The following XPNPEP3 variants were observed in gnomAD, a reference collection of about 807,000 sequenced individuals.
XPNPEP3 encodes the protein X-prolyl aminopeptidase 3, also known as xaa-Pro aminopeptidase 3.
Under a neutral mutation model 60.0 loss-of-function variants are expected in XPNPEP3, and 41 were observed. The observed-to-expected ratio is 0.68, with a 90% confidence interval of 0.53 to 0.89. The LOEUF (loss-of-function observed/expected upper bound fraction) is 0.89. Ranked by LOEUF, XPNPEP3 falls within the 40% of genes least tolerant of loss-of-function variation. The pLI, the probability that XPNPEP3 is intolerant of heterozygous loss-of-function variation, is 0.00. For synonymous variants in XPNPEP3, 212 were observed against 223.2 expected (o/e 0.95, Z 0.45); for missense variants, 598 against 638.9 (o/e 0.94, Z 0.69).
At chr22:40,911,464 G>T (rs908894919) in intron 6 of XPNPEP3, among the ~76,000 whole-genome samples, 43 of 145,942 alleles carry the variant, frequency 2.9e-4, no homozygotes, top group Non-Finnish European at 9.1e-5. Flanking sequence ...AACTCTTTGG[G>T]CCTGATATTT....
rs1384993880 is a variant in XPNPEP3, at chr22:40,897,055, A to G, written c.793-10532A>G. Among the ~76,000 whole-genome samples, 6 of 108,416 alleles carry G rather than the reference A, an allele frequency of 5.5e-5. No individual in the cohort carries two copies. The East Asian group carries it at 1.2e-3, about 22-fold the overall frequency. The allele number at this position is 108,416 out of a possible 152,430, so 71.1% of individuals were successfully genotyped here. The stretch of plus-strand genomic sequence containing the variant: ...TTTTTTTTTTTTTTTTTTTTTTGAG[A>G]CGGAGTTTCGCTGTTGCCCAGGCTG... On this transcript the variant is annotated intron_variant, in intron 4 of 9. Coordinates refer to ENST00000357137, the MANE Select transcript of XPNPEP3 (RefSeq NM_022098.4).
chr22:40,896,454 C>T (rs2058108469), intron 4 of XPNPEP3, among the ~76,000 whole-genome samples: 1 of 152,028 alleles, frequency 6.6e-6, no homozygotes, highest in South Asian at 2.1e-4. Flanking sequence ...TCACTTGAGG[C>T]CAGGAGTTTG....
chr22:40,901,514 C>T lies in XPNPEP3; in HGVS notation c.793-6073C>T, dbSNP rs1371497305. Among the ~76,000 whole-genome samples the T allele has an allele frequency of 2.6e-5, 4 of 152,316 alleles. No homozygotes were observed. The East Asian group carries it at 7.7e-4, about 29-fold the overall frequency. On this transcript the variant is annotated intron_variant, in intron 4 of 9. Coordinates refer to ENST00000357137, the MANE Select transcript of XPNPEP3 (RefSeq NM_022098.4). ...CCTCCCAAAGTGCTGGAATTACAGGCGTGAGCCACCACGCCGGGCCTATTT... is the reference window on the plus strand; with the variant it reads ...CCTCCCAAAGTGCTGGAATTACAGGTGTGAGCCACCACGCCGGGCCTATTT...
At chr22:40,883,664 A>G (rs958801504) in intron 3 of XPNPEP3, among the ~76,000 whole-genome samples, 4 of 152,062 alleles carry the variant, frequency 2.6e-5, no homozygotes, top group African/African-American at 9.7e-5. Context: ...GCCTGGCCAT[A>G]GTTGAGTTCT....
rs2058068704 is a variant in XPNPEP3 at position 40,886,393 on chromosome 22, G to A, written c.670G>A (p.Glu224Lys). The change falls in exon 4 of 10, where the codon GAG (glutamate) becomes AAG (lysine). Residue 224 changes from glutamate (E) to lysine (K), a missense_variant. Glu to Lys is a moderately conservative substitution (Grantham distance 56, BLOSUM62 1). Coordinates refer to ENST00000357137, the MANE Select transcript of XPNPEP3 (RefSeq NM_022098.4). ...CTCTGACTATATGCAGCCCCTGACT[G>A]AGGCCAAAGCCAAGAGCAAGAACAA... ...LHSDYMQPLT[E>K]AKAKSKNKVR... 6.2e-7 allele frequency: 1 copy of A among 1,614,154 alleles called. No individual in the cohort carries two copies. Among genetic ancestry groups the A allele is most frequent in the Non-Finnish European group, 8.5e-7 (1 of 1,180,034 alleles).
At chr22:40,888,814 C>T (rs1601503481) in intron 4 of XPNPEP3, among the ~76,000 whole-genome samples, 1 of 152,100 alleles carries the variant, frequency 6.6e-6, no homozygotes, top group South Asian at 2.1e-4. Flanking sequence ...ATAGTGGCTG[C>T]ACCGTTTCAC....
rs2146269786 is a variant in XPNPEP3, at chr22:40,907,570, C to T, written c.793-17C>T. The stretch of plus-strand genomic sequence containing the variant: ...AGAATGAGATCGTGTTCTTTTCATC[C>T]TCCTTTCTCTTTGCAGGCTTTCATA... On this transcript the variant is annotated splice_polypyrimidine_tract_variant and intron_variant, in intron 4 of 9. Transcript: ENST00000357137. 3 of 1,612,080 alleles carry T rather than the reference C, an allele frequency of 1.9e-6. No homozygotes were observed. The highest frequency in any genetic ancestry group is 2.2e-5 in the East Asian group (1 of 44,862).
At chr22:40,903,208 G>T (rs576082189) in intron 4 of XPNPEP3, among the ~76,000 whole-genome samples, 1 of 152,320 alleles carries the variant, frequency 6.6e-6, no homozygotes, top group East Asian at 1.9e-4. Context: ...GCTAATTTCA[G>T]ACCTGCTGGA....
chr22:40,875,442 T>C (rs1428386984), intron 2 of XPNPEP3, among the ~76,000 whole-genome samples: 1 of 152,202 alleles, frequency 6.6e-6, no homozygotes, highest in Non-Finnish European at 1.5e-5. Context: ...TCCTCTTGTC[T>C]TCATCTCCTG....
intron 2 of XPNPEP3, among the ~76,000 whole-genome samples, chr22:40,873,291 G>A (rs982056356): frequency 2.7e-5 from 4 of 150,926 alleles, no homozygotes; most frequent in African/African-American, 9.7e-5. Flanking sequence ...TTTTAGTAGA[G>A]AGGGGGTTTC....
In XPNPEP3 at chr22:40,927,131, T is replaced by A. The variant is rs1023255110; in HGVS notation, c.*696T>A. ...ACCTGGAAAGTGTTTAGATTCTTGATAAAGATGGAAATGGAAGAGAAAGAA... is the reference window on the plus strand; with the variant it reads ...ACCTGGAAAGTGTTTAGATTCTTGAAAAAGATGGAAATGGAAGAGAAAGAA... On this transcript the variant is annotated 3_prime_UTR_variant, in exon 10 of 10. Transcript: ENST00000357137. The A allele has an allele frequency of 2.6e-5, 4 of 153,496 alleles. No individual in the cohort carries two copies. The highest frequency in any genetic ancestry group is 9.7e-5 in the African/African-American group (4 of 41,448). The allele number at this position is 153,496 out of a possible 1,614,324, so 9.5% of individuals were successfully genotyped here.
rs2057956700 is a variant in XPNPEP3, at chr22:40,862,567, G to A, written c.64+5322G>A. On this transcript the variant is annotated intron_variant, in intron 1 of 9. Transcript: ENST00000357137. ...TTAGTTACAATATAATAGTTATGAT[G>A]AGAGGAAGTACTGGATGCTAAACAA... 5.1e-6 allele frequency: 5 copies of A among 985,470 alleles called. No homozygotes were observed. The South Asian group carries it at 1.9e-4, about 37-fold the overall frequency. The allele number at this position is 985,470 out of a possible 1,614,324, so 61.0% of individuals were successfully genotyped here.
At chr22:40,878,088 C>T (rs557915924) in intron 2 of XPNPEP3, among the ~76,000 whole-genome samples, 1 of 152,108 alleles carries the variant, frequency 6.6e-6, no homozygotes, top group Admixed American at 6.6e-5. Context: ...TTCCTGTAAT[C>T]CCAGCTACTT....
intron 2 of XPNPEP3, among the ~76,000 whole-genome samples, chr22:40,878,929 A>G (rs1408591469): frequency 6.6e-6 from 1 of 152,184 alleles, no homozygotes; most frequent in Non-Finnish European, 1.5e-5. Context: ...ATAGCTGTGA[A>G]ATAGCCAAAA....
chr22:40,876,203 C>G (rs1034312808), intron 2 of XPNPEP3, among the ~76,000 whole-genome samples: 2 of 152,064 alleles, frequency 1.3e-5, no homozygotes, highest in African/African-American at 4.8e-5. Flanking sequence ...AGATTCATTC[C>G]TAACATGTGA....
chr22:40,906,914 A>G (rs1379316374), intron 4 of XPNPEP3, among the ~76,000 whole-genome samples: 1 of 152,196 alleles, frequency 6.6e-6, no homozygotes, highest in African/African-American at 2.4e-5. Context: ...AGGTATCCTC[A>G]TATGGCAGAA....
At chr22:40,912,350 AT>A in intron 6 of XPNPEP3, among the ~76,000 whole-genome samples, 1 of 152,294 alleles carries the variant, frequency 6.6e-6, no homozygotes, top group Non-Finnish European at 1.5e-5. Context: ...AGTACCAAAG[AT>A]TTCCAAAGAG....
chr22:40,902,333 C>T (rs2058137450), intron 4 of XPNPEP3, among the ~76,000 whole-genome samples: 1 of 149,270 alleles, frequency 6.7e-6, no homozygotes, highest in Non-Finnish European at 1.5e-5. Context: ...TTACTGCAAG[C>T]TCCACCTCCC....
At chr22:40,893,707 C>A (rs1022714669) in intron 4 of XPNPEP3, among the ~76,000 whole-genome samples, 3 of 151,896 alleles carry the variant, frequency 2.0e-5, no homozygotes, top group Non-Finnish European at 2.9e-5. Flanking sequence ...ACCTCCACCT[C>A]CCAGGTTCAG....
Sources: allele counts gnomAD v4.1 joint callset (sites outside exome capture counted in the v4.1 genomes callset), GRCh38; gene constraint gnomAD v4.1.1; transcripts MANE v1.5; gene names NCBI Gene and HGNC (gene_info 2026-07-23, HGNC 2026-07-21).